Variants in SMAP1 observed in about 807,000 individuals in gnomAD.
SMAP1 encodes small ArfGAP 1, also known as stromal membrane-associated protein 1.
Under a neutral mutation model 58.5 loss-of-function variants are expected in SMAP1, and 24 were observed. The observed-to-expected ratio is 0.41, with a 90% CI of 0.30 to 0.58. SMAP1 has a LOEUF of 0.58. Ranked by LOEUF, SMAP1 falls within the 20% of genes least tolerant of loss-of-function variation. The pLI is 0.29. For synonymous variants in SMAP1, 216 were observed against 196.6 expected (o/e 1.10, Z -0.82); for missense variants, 563 against 566.3 (o/e 0.99, Z 0.06).
chr6:70,847,760 G>C (rs1051345038), intron 7 of SMAP1, among the ~76,000 whole-genome samples: 1 of 152,144 alleles, frequency 6.6e-6, no homozygotes, highest in African/African-American at 2.4e-5. Flanking sequence ...GCTGCCTCCT[G>C]CTGCTCCCAC....
intron 5 of SMAP1, among the ~76,000 whole-genome samples, chr6:70,793,945 C>T (rs1768485587): frequency 6.6e-6 from 1 of 151,978 alleles, no homozygotes; most frequent in African/African-American, 2.4e-5. Context: ...GTTGGTCAGG[C>T]TGGTCTCGAA....
chr6:70,854,105 G>A (rs1771300809), intron 8 of SMAP1, among the ~76,000 whole-genome samples: 1 of 152,220 alleles, frequency 6.6e-6, no homozygotes, highest in Non-Finnish European at 1.5e-5. Flanking sequence ...GACAAGGAGT[G>A]TAGCCTCTGG....
intron 6 of SMAP1, among the ~76,000 whole-genome samples, chr6:70,818,753 A>T (rs1177877238): frequency 6.6e-6 from 1 of 152,186 alleles, no homozygotes; most frequent in Non-Finnish European, 1.5e-5. Context: ...ATTCACTGCT[A>T]AAGTATGGTC....
At chr6:70,720,684 C>T (rs574145583) in intron 1 of SMAP1, among the ~76,000 whole-genome samples, 6 of 152,338 alleles carry the variant, frequency 3.9e-5, no homozygotes, top group African/African-American at 1.4e-4. Flanking sequence ...CATCTGTTTC[C>T]CTGCAGGCTT....
intron 2 of SMAP1, among the ~76,000 whole-genome samples, chr6:70,748,648 T>C (rs971244792): frequency 1.3e-5 from 2 of 152,048 alleles, no homozygotes; most frequent in Non-Finnish European, 2.9e-5. Context: ...CTACTGAAGC[T>C]CCCTCTAGAT....
At chr6:70,813,680 G>A (rs1312993785) in intron 6 of SMAP1, among the ~76,000 whole-genome samples, 1 of 151,934 alleles carries the variant, frequency 6.6e-6, no homozygotes, top group Non-Finnish European at 1.5e-5. Flanking sequence ...TTCTAGATGT[G>A]TTAATATATG....
rs554743509 is a variant in SMAP1 at position 70,837,044 on chromosome 6, T to C, written c.664+16T>C. On this transcript the variant is annotated intron_variant, in intron 7 of 10. Transcript: ENST00000370455. ...TTAGGACTTGGTAAGTAATAAAAAA[T>C]AAAAGTCACTGCTGGAGTTACAAAA... is the stretch of plus-strand genomic sequence containing the variant. 2.4e-5 allele frequency: 37 copies of C among 1,534,526 alleles called. No individual in the cohort carries two copies. Among genetic ancestry groups the C allele is most frequent in the Middle Eastern group, 3.5e-4 (2 of 5,774 alleles).
intron 6 of SMAP1, among the ~76,000 whole-genome samples, chr6:70,820,058 G>A (rs1426305362): frequency 6.6e-6 from 1 of 152,092 alleles, no homozygotes; most frequent in Non-Finnish European, 1.5e-5. Context: ...TAATCTTATG[G>A]ATTTTTTCTT....
At chr6:70,817,371 T>C (rs1769684294) in intron 6 of SMAP1, among the ~76,000 whole-genome samples, 1 of 152,038 alleles carries the variant, frequency 6.6e-6, no homozygotes, top group Non-Finnish European at 1.5e-5. Context: ...CAATTTGAGG[T>C]TCTTTGATTC....
chr6:70,701,747 G>C (rs1767638552), intron 1 of SMAP1, among the ~76,000 whole-genome samples: 1 of 152,154 alleles, frequency 6.6e-6, no homozygotes, highest in East Asian at 1.9e-4. Flanking sequence ...GAGGAGGGTA[G>C]TGTAGGCAAT....
At chr6:70,693,942 C>CT (rs1767292448) in intron 1 of SMAP1, 1 of 156,498 alleles carries the variant, frequency 6.4e-6, no homozygotes, top group African/African-American at 2.4e-5. Flanking sequence ...CTGATTCTAT[C>CT]TTTTTCCTAC....
chr6:70,701,159 C>A (rs546755868), intron 1 of SMAP1, among the ~76,000 whole-genome samples: 10 of 152,278 alleles, frequency 6.6e-5, no homozygotes, highest in African/African-American at 1.9e-4. Flanking sequence ...CAGCTCACTG[C>A]TACCTCCACC....
intron 1 of SMAP1, among the ~76,000 whole-genome samples, chr6:70,682,481 G>A (rs571196273): frequency 1.3e-5 from 2 of 152,030 alleles, no homozygotes; most frequent in African/African-American, 2.4e-5. Context: ...GAGCCACCAC[G>A]CCCGGCCCTC....
At chr6:70,740,344 G>A (rs1765762969) in intron 2 of SMAP1, among the ~76,000 whole-genome samples, 1 of 152,044 alleles carries the variant, frequency 6.6e-6, no homozygotes, top group Admixed American at 6.5e-5. Context: ...TGGATCACCT[G>A]AGGTCAGGAG....
intron 3 of SMAP1, 96 bp downstream of exon 3, chr6:70,755,161 T>G (rs1485915188): frequency 2.1e-6 from 2 of 939,522 alleles, no homozygotes; most frequent in African/African-American, 3.3e-5. Context: ...GATGTGAACT[T>G]TATCACGCTA....
chr6:70,818,685 G>A (rs569035473), intron 6 of SMAP1, among the ~76,000 whole-genome samples: 36 of 152,196 alleles, frequency 2.4e-4, no homozygotes, highest in African/African-American at 8.2e-4. Flanking sequence ...TAAATTTGTG[G>A]TAATGGAAGA....
intron 4 of SMAP1, among the ~76,000 whole-genome samples, chr6:70,776,465 C>A (rs1047275457): frequency 6.6e-6 from 1 of 152,190 alleles, no homozygotes; most frequent in Admixed American, 6.5e-5. Flanking sequence ...CGGTGTGAGC[C>A]ACCACACCCT....
At chr6:70,847,023 ATTC>A (rs1192240622) in intron 7 of SMAP1, among the ~76,000 whole-genome samples, 3 of 152,152 alleles carry the variant, frequency 2.0e-5, no homozygotes, top group African/African-American at 7.2e-5. Flanking sequence ...GAAGTGTTGT[ATTC>A]TTATTTCCTT....
At chr6:70,813,600 C>T (rs1320491696) in intron 6 of SMAP1, among the ~76,000 whole-genome samples, 1 of 151,938 alleles carries the variant, frequency 6.6e-6, no homozygotes, top group African/African-American at 2.4e-5. Context: ...TACTCCCTCC[C>T]TCTCACCCAT....
Sources: allele counts gnomAD v4.1 joint callset (sites outside exome capture counted in the v4.1 genomes callset), GRCh38; gene constraint gnomAD v4.1.1; transcripts MANE v1.5; gene names NCBI Gene and HGNC (gene_info 2026-07-23, HGNC 2026-07-21).